The following NRXN1 variants were observed in gnomAD, a reference collection of about 807,000 sequenced individuals.
NRXN1 encodes the protein neurexin-1.
Under a neutral mutation model 150.9 loss-of-function variants are expected in NRXN1, and 39 were observed. That is an observed-to-expected ratio of 0.26 (90% CI 0.20 to 0.34). NRXN1 has a LOEUF of 0.34. Ranked by LOEUF, NRXN1 falls within the 10% of genes least tolerant of loss-of-function variation. The probability of loss-of-function intolerance (pLI) is 1.00; values close to 1 mark genes in which losing one functional copy is unlikely to be tolerated. For missense variants in NRXN1, 1,815 were observed against 1,949.9 expected (o/e 0.93, Z 1.30); for synonymous variants, 924 against 757.0 (o/e 1.22, Z -3.62).
intron 19 of NRXN1, among the ~76,000 whole-genome samples, chr2:50,063,297 T>G (rs1471993117): frequency 1.3e-5 from 2 of 152,286 alleles, no homozygotes; most frequent in East Asian, 3.9e-4. Flanking sequence ...GCTATTCTAA[T>G]AAAACATTTG....
chr2:50,151,470 C>G (rs1463868047), intron 18 of NRXN1, among the ~76,000 whole-genome samples: 2 of 151,676 alleles, frequency 1.3e-5, no homozygotes, highest in Non-Finnish European at 2.9e-5. Context: ...AATCACCCTA[C>G]TAGATTTTCA....
intron 18 of NRXN1, among the ~76,000 whole-genome samples, chr2:50,225,523 C>A (rs2064289401): frequency 6.6e-6 from 1 of 151,714 alleles, no homozygotes; most frequent in African/African-American, 2.4e-5. Flanking sequence ...TATGATTGTA[C>A]CAAGAAGGGC....
At chr2:50,121,550 G>C (rs141718040) in intron 18 of NRXN1, among the ~76,000 whole-genome samples, 36 of 152,226 alleles carry the variant, frequency 2.4e-4, no homozygotes, top group African/African-American at 8.4e-4. Flanking sequence ...CAACACTATG[G>C]ATTTTGTTGT....
At chr2:50,471,877 C>T (rs1313098887) in intron 16 of NRXN1, among the ~76,000 whole-genome samples, 4 of 151,656 alleles carry the variant, frequency 2.6e-5, no homozygotes, top group African/African-American at 9.7e-5. Flanking sequence ...ACCCCCTGGA[C>T]TTAAAATTAA....
rs376163313 is a variant in NRXN1 at position 50,000,449 on chromosome 2, T to A, written c.4128+52822A>T. On this transcript the variant is annotated intron_variant, in intron 21 of 22. Coordinates refer to ENST00000401669, the MANE Select transcript of NRXN1 (RefSeq NM_001330078.2). Reference sequence around the variant, plus strand: ...ATTATGTGATATCCATTTTACTAATTTCATCCAGCACACAAATTTGCTACT... The same window carrying A: ...ATTATGTGATATCCATTTTACTAATATCATCCAGCACACAAATTTGCTACT... Among the ~76,000 whole-genome samples, 22 of 152,282 alleles carry A rather than the reference T, an allele frequency of 1.4e-4. No homozygotes were observed. In the East Asian group the frequency reaches 2.1e-3, roughly 15 times the overall value.
At chr2:50,258,534 G>A (rs1415358775) in intron 17 of NRXN1, among the ~76,000 whole-genome samples, 1 of 151,970 alleles carries the variant, frequency 6.6e-6, no homozygotes, top group Admixed American at 6.6e-5. Flanking sequence ...CTCCTCCACT[G>A]AAGTCTTGAG....
intron 4 of NRXN1, 65 bp from the exon 5 acceptor site, chr2:50,921,945 A>C: frequency 2.1e-6 from 2 of 933,356 alleles, no homozygotes; most frequent in Non-Finnish European, 3.1e-6. Context: ...AAAGAGGAGA[A>C]AAACAACAAT....
chr2:50,435,776 G>A (rs1204589234), intron 17 of NRXN1, among the ~76,000 whole-genome samples: 1 of 152,080 alleles, frequency 6.6e-6, no homozygotes, highest in African/African-American at 2.4e-5. Context: ...CACAAAGAAG[G>A]GAACGACAGA....
At chr2:49,988,619 TA>T (rs3046623) in intron 21 of NRXN1, among the ~76,000 whole-genome samples, 19,673 of 127,222 alleles carry the variant, frequency 0.15, 1,537 homozygotes, top group East Asian at 0.33. Context: ...AGTTAACTAT[TA>T]AAAAAAAAAA....
chr2:50,917,008 A>C (rs570304511), intron 5 of NRXN1: 1 of 151,720 alleles, frequency 6.6e-6, no homozygotes, highest in Non-Finnish European at 1.5e-5. Flanking sequence ...ATAGCCTTCT[A>C]TGTGTACTGT....
chr2:50,008,961 A>C (rs182331172), intron 21 of NRXN1, among the ~76,000 whole-genome samples: 2 of 152,298 alleles, frequency 1.3e-5, no homozygotes, highest in East Asian at 3.9e-4. Flanking sequence ...TTCATAAAAC[A>C]ATGACATAAA....
At chr2:50,648,289 A>G (rs1269625325) in intron 5 of NRXN1, among the ~76,000 whole-genome samples, 2 of 152,036 alleles carry the variant, frequency 1.3e-5, no homozygotes, top group Non-Finnish European at 2.9e-5. Flanking sequence ...CTGAGAAGCC[A>G]CAGATGAGAT....
intron 17 of NRXN1, among the ~76,000 whole-genome samples, chr2:50,426,826 T>G (rs763973909): frequency 2.2e-4 from 33 of 152,178 alleles, no homozygotes; most frequent in Non-Finnish European, 4.1e-4. Flanking sequence ...GCCACCATCA[T>G]AATTGACAAA....
intron 17 of NRXN1, among the ~76,000 whole-genome samples, chr2:50,353,776 C>T (rs1357302491): frequency 2.6e-5 from 4 of 152,106 alleles, no homozygotes; most frequent in African/African-American, 9.7e-5. Flanking sequence ...TATAGTCAAG[C>T]TCAGCCACTT....
intron 5 of NRXN1, among the ~76,000 whole-genome samples, chr2:50,732,537 T>A (rs1191605696): frequency 6.6e-6 from 1 of 152,156 alleles, no homozygotes; most frequent in East Asian, 1.9e-4. Context: ...ATTTTGCACT[T>A]GTTTTCAATT....
At chr2:50,542,314 A>G (rs1005852343) in intron 9 of NRXN1, among the ~76,000 whole-genome samples, 2 of 152,090 alleles carry the variant, frequency 1.3e-5, no homozygotes, top group African/African-American at 4.8e-5. Flanking sequence ...AGAGATAGAG[A>G]ACAAGCAACA....
intron 21 of NRXN1, among the ~76,000 whole-genome samples, chr2:50,022,197 T>A (rs1274954528): frequency 6.6e-6 from 1 of 152,286 alleles, no homozygotes; most frequent in East Asian, 1.9e-4. Context: ...TTAGCCAGGA[T>A]GATCTCAATC....
chr2:50,647,003 T>C (rs557133219), intron 5 of NRXN1, among the ~76,000 whole-genome samples: 7 of 151,620 alleles, frequency 4.6e-5, no homozygotes, highest in Admixed American at 4.0e-4. Context: ...AACTCAAGCA[T>C]TATATTGTTT....
intron 21 of NRXN1, among the ~76,000 whole-genome samples, chr2:49,950,041 A>G (rs1419158818): frequency 6.6e-6 from 1 of 151,934 alleles, no homozygotes; most frequent in East Asian, 1.9e-4. Context: ...ATTCCCAAGT[A>G]AGGTCCAACC....
Sources: gnomAD v4.1 joint callset for allele counts (sites outside exome capture counted in the v4.1 genomes callset) on GRCh38, gnomAD v4.1.1 for gene constraint, MANE v1.5 for transcripts, NCBI Gene and HGNC (gene_info 2026-07-23, HGNC 2026-07-21) for gene names.